The following TMEFF2 variants were observed in gnomAD, a reference collection of about 807,000 sequenced individuals.
The protein encoded by TMEFF2 is transmembrane protein with EGF like and two follistatin like domains 2, also known as tomoregulin-2.
Under a neutral mutation model 53.8 loss-of-function variants are expected in TMEFF2, and 28 were observed. The observed-to-expected ratio is 0.52, with a 90% CI of 0.39 to 0.71. The LOEUF (loss-of-function observed/expected upper bound fraction) is 0.71. TMEFF2 is among the 30% of genes least tolerant of loss of function. TMEFF2 has a pLI of 0.00. For synonymous variants in TMEFF2, 162 were observed against 166.3 expected (o/e 0.97, Z 0.20); for missense variants, 353 against 455.2 (o/e 0.78, Z 2.04).
rs751816109 is a variant in TMEFF2, at chr2:191,998,323, T to C, written c.686-2A>G. ...ACTTAGTAGTTGTAGTTGTGTTATC[T>C]GTGTTAAAAAATTAACAATAAAAAT... is the stretch of plus-strand genomic sequence containing the variant. On this transcript the variant is annotated splice_acceptor_variant, in intron 6 of 9. Transcript: ENST00000272771. LOFTEE classifies it high-confidence loss of function. 22 of 1,596,472 alleles carry C rather than the reference T, an allele frequency of 1.4e-5. No homozygotes were observed. The highest frequency in any genetic ancestry group is 1.8e-5 in the Non-Finnish European group (21 of 1,171,174).
intron 5 of TMEFF2, among the ~76,000 whole-genome samples, chr2:192,041,099 C>A (rs533000458): frequency 6.6e-6 from 1 of 152,078 alleles, no homozygotes; most frequent in African/African-American, 2.4e-5. Context: ...ACACAAGCAA[C>A]AACAAAGTAA....
rs542429704 is a variant in TMEFF2, at chr2:192,050,040, G to A, written c.536+7639C>T. ...AAAAAGCAAGTAAAAAGAGAAACAAGTAATGAAAACTGTTAAGTTAGTGGT... is the reference window on the plus strand; with the variant it reads ...AAAAAGCAAGTAAAAAGAGAAACAAATAATGAAAACTGTTAAGTTAGTGGT... On this transcript the variant is annotated intron_variant, in intron 5 of 9. Transcript: ENST00000272771. Among the ~76,000 whole-genome samples the A allele has an allele frequency of 1.6e-4, 25 of 152,166 alleles. No homozygotes were observed. In the Middle Eastern group the frequency reaches 0.01, roughly 62 times the overall value.
intron 4 of TMEFF2, among the ~76,000 whole-genome samples, chr2:192,172,570 C>T (rs550232219): frequency 4.0e-5 from 6 of 151,846 alleles, no homozygotes; most frequent in Admixed American, 1.3e-4. Flanking sequence ...TAAAGTATCT[C>T]AAATACCTTA....
intron 4 of TMEFF2, among the ~76,000 whole-genome samples, chr2:192,103,919 T>C (rs918388557): frequency 3.3e-5 from 5 of 151,842 alleles, no homozygotes; most frequent in Admixed American, 6.6e-5. Context: ...ATCAGTATAC[T>C]GCTGTGAAGT....
At chr2:192,098,348 T>G (rs1279681829) in intron 4 of TMEFF2, among the ~76,000 whole-genome samples, 2 of 152,198 alleles carry the variant, frequency 1.3e-5, no homozygotes, top group Non-Finnish European at 2.9e-5. Flanking sequence ...ATGAAACCAA[T>G]ATTTTCAAAG....
At position 192,035,650 on chromosome 2, in the gene TMEFF2, G is replaced by A. The variant is rs181755616; in HGVS notation, c.536+22029C>T. The stretch of plus-strand genomic sequence containing the variant: ...TACACCCAGCAGTCTAACTTTTTGC[G>A]ACTTCAGTGTCTATTCTCATTCCTC... On this transcript the variant is annotated intron_variant, in intron 5 of 9. Transcript: ENST00000272771. 1.1e-3 allele frequency among the ~76,000 whole-genome samples: 171 copies of A among 151,936 alleles called. 1 individual carries two copies. The highest frequency in any genetic ancestry group is 2.2e-3 in the Admixed American group (34 of 15,250).
chr2:192,090,726 G>C (rs891859777), intron 4 of TMEFF2, among the ~76,000 whole-genome samples: 2 of 152,134 alleles, frequency 1.3e-5, no homozygotes, highest in Non-Finnish European at 2.9e-5. Context: ...ATTTAGTACA[G>C]CGTTAATCAA....
chr2:191,991,804 T>G (rs1199517242), intron 7 of TMEFF2, among the ~76,000 whole-genome samples: 1 of 152,104 alleles, frequency 6.6e-6, no homozygotes, highest in African/African-American at 2.4e-5. Context: ...TTCCAGAGTG[T>G]CTACCAGGGC....
chr2:192,189,314 C>T (rs1023546720), intron 2 of TMEFF2, among the ~76,000 whole-genome samples: 5 of 151,736 alleles, frequency 3.3e-5, no homozygotes, highest in Non-Finnish European at 4.4e-5. Flanking sequence ...GAGACCGAGG[C>T]GGGTGGATCT....
At chr2:192,033,820 G>A (rs1687206758) in intron 5 of TMEFF2, among the ~76,000 whole-genome samples, 1 of 152,070 alleles carries the variant, frequency 6.6e-6, no homozygotes, top group Non-Finnish European at 1.5e-5. Flanking sequence ...CCTTTTGTTA[G>A]TGAGAATTCT....
intron 9 of TMEFF2, 153 bp from the exon 10 acceptor site, chr2:191,950,560 A>AAGTT: frequency 1.7e-6 from 2 of 1,196,034 alleles, no homozygotes; most frequent in South Asian, 2.6e-5. Context: ...TATTTTGGAA[A>AAGTT]AGTTATTATT....
chr2:192,037,645 G>C (rs1230905785), intron 5 of TMEFF2, among the ~76,000 whole-genome samples: 1 of 5,974 alleles, frequency 1.7e-4, no homozygotes, highest in African/African-American at 1.9e-4. Context: ...GAGAGAGAAA[G>C]AGAGAGAGAG....
chr2:192,164,672 G>A (rs1690714007), intron 4 of TMEFF2, among the ~76,000 whole-genome samples: 1 of 150,856 alleles, frequency 6.6e-6, no homozygotes, highest in Non-Finnish European at 1.5e-5. Context: ...AGGTTGCAGT[G>A]AGCCAAGATC....
intron 4 of TMEFF2, among the ~76,000 whole-genome samples, chr2:192,124,071 C>G (rs1689621243): frequency 6.6e-6 from 1 of 152,208 alleles, no homozygotes; most frequent in African/African-American, 2.4e-5. Flanking sequence ...AACTGATCAG[C>G]TGCTTCTCTT....
chr2:192,176,345 T>A (rs1196514947), intron 4 of TMEFF2, among the ~76,000 whole-genome samples: 1 of 151,348 alleles, frequency 6.6e-6, no homozygotes, highest in Non-Finnish European at 1.5e-5. Flanking sequence ...AAAACAGAGT[T>A]CCATAAATGG....
chr2:192,115,764 A>C (rs2356948), intron 4 of TMEFF2, among the ~76,000 whole-genome samples: 65,373 of 151,826 alleles, frequency 0.43, 14,274 homozygotes, highest in South Asian at 0.49. Flanking sequence ...TAATCAGGGA[A>C]ATGCAAATGA....
At chr2:191,998,765 A>G (rs1215924829) in intron 6 of TMEFF2, among the ~76,000 whole-genome samples, 1 of 151,918 alleles carries the variant, frequency 6.6e-6, no homozygotes, top group East Asian at 1.9e-4. Flanking sequence ...AATGTTTTTG[A>G]GTTTCTTTTT....
In TMEFF2 at chr2:192,005,546, C is replaced by T. The variant is rs149915348; in HGVS notation, c.537-6338G>A. ...CAAGGTCTTTGACTTGGTGTCCATTCCGTATTTTGACCATACAATATTCCT... is the reference window on the plus strand; with the variant it reads ...CAAGGTCTTTGACTTGGTGTCCATTTCGTATTTTGACCATACAATATTCCT... On this transcript the variant is annotated intron_variant, in intron 5 of 9. Coordinates refer to ENST00000272771, the MANE Select transcript of TMEFF2 (RefSeq NM_016192.4). Among the ~76,000 whole-genome samples, 498 of 152,310 alleles carry T rather than the reference C, an allele frequency of 3.3e-3. 8 individuals carry two copies. The highest frequency in any genetic ancestry group is 0.026 in the South Asian group (123 of 4,816).
At chr2:192,016,107 TG>T (rs1271920752) in intron 5 of TMEFF2, among the ~76,000 whole-genome samples, 1 of 152,142 alleles carries the variant, frequency 6.6e-6, no homozygotes, top group Non-Finnish European at 1.5e-5. Flanking sequence ...AGAACAATGA[TG>T]GTACCAATAT....
Sources: allele counts gnomAD v4.1 joint callset (sites outside exome capture counted in the v4.1 genomes callset), GRCh38; gene constraint gnomAD v4.1.1; transcripts MANE v1.5; gene names NCBI Gene and HGNC (gene_info 2026-07-23, HGNC 2026-07-21).